Variants in KCNN2 observed in about 807,000 individuals in gnomAD.
KCNN2 encodes the protein small conductance calcium-activated potassium channel protein 2.
Under a neutral mutation model 55.5 loss-of-function variants are expected in KCNN2, and 24 were observed. The observed-to-expected ratio is 0.43, with a 90% confidence interval of 0.31 to 0.61. The LOEUF (loss-of-function observed/expected upper bound fraction) is 0.61, where lower values mean the gene tolerates loss of function less well. Among genes scored for constraint, KCNN2 ranks in the 20% least tolerant of loss-of-function variants. The probability of loss-of-function intolerance (pLI) is 0.08; values close to 1 mark genes in which losing one functional copy is unlikely to be tolerated. For synonymous variants in KCNN2, 431 were observed against 336.1 expected (o/e 1.28, Z -3.09); for missense variants, 754 against 853.6 (o/e 0.88, Z 1.45).
rs1455967105 is a variant in KCNN2 at position 114,493,436 on chromosome 5, G to C, written c.2052G>C (p.Leu684=). The change falls in exon 7 of 8, where the codon CTG becomes CTC. Residue 684 remains leucine (L), a synonymous_variant. Coordinates refer to ENST00000673685, the MANE Select transcript of KCNN2 (RefSeq NM_021614.4). ...GTGTAAAAATGGAGCAGAGGAAACT[G>C]AATGACCAAGCAAACACTTTGGTGG... is the stretch of plus-strand genomic sequence containing the variant. The part of the protein sequence containing the change: ...LRSVKMEQRK[L]NDQANTLVDL... The C allele has an allele frequency of 6.2e-7, 1 of 1,610,142 alleles. No homozygotes were observed. The highest frequency in any genetic ancestry group is 1.7e-5 in the Admixed American group (1 of 59,974).
chr5:114,296,327 C>A (rs2150020367), intron 2 of KCNN2, among the ~76,000 whole-genome samples: 1 of 152,308 alleles, frequency 6.6e-6, no homozygotes, highest in South Asian at 2.1e-4. Flanking sequence ...AATGTGAGTT[C>A]ATCCTCATGT....
chr5:114,299,657 C>T (rs1305121177), intron 2 of KCNN2, among the ~76,000 whole-genome samples: 4 of 152,198 alleles, frequency 2.6e-5, no homozygotes, highest in Non-Finnish European at 5.9e-5. Flanking sequence ...CTAGTCCCAT[C>T]TCTGGGCACT....
chr5:114,354,522 T>C (rs1183576439), intron 2 of KCNN2, among the ~76,000 whole-genome samples: 1 of 152,070 alleles, frequency 6.6e-6, no homozygotes, highest in Non-Finnish European at 1.5e-5. Flanking sequence ...AGCCAATACA[T>C]ATGAAGGAGG....
At chr5:114,209,062 CTT>C (rs34525244) in intron 1 of KCNN2, among the ~76,000 whole-genome samples, 1 of 146,848 alleles carries the variant, frequency 6.8e-6, no homozygotes. Context: ...TGACTTCTGC[CTT>C]TTTTTTTTTT....
intron 1 of KCNN2, among the ~76,000 whole-genome samples, chr5:114,169,567 C>G (rs1752988160): frequency 1.3e-5 from 2 of 152,032 alleles, no homozygotes; most frequent in Admixed American, 1.3e-4. Context: ...GTTTAGATAC[C>G]AGACAGGAAG....
intron 1 of KCNN2, among the ~76,000 whole-genome samples, chr5:114,131,040 G>C (rs1021734187): frequency 6.6e-6 from 1 of 152,138 alleles, no homozygotes; most frequent in East Asian, 1.9e-4. Context: ...AACCTTTATG[G>C]TTATCCTGAC....
chr5:114,319,336 G>A (rs918652765), intron 2 of KCNN2, among the ~76,000 whole-genome samples: 3 of 152,168 alleles, frequency 2.0e-5, no homozygotes, highest in Non-Finnish European at 4.4e-5. Flanking sequence ...AGAGCCCTAT[G>A]AAGACAGAGA....
chr5:114,331,222 T>A (rs909242429), intron 2 of KCNN2, among the ~76,000 whole-genome samples: 5 of 151,950 alleles, frequency 3.3e-5, no homozygotes, highest in Non-Finnish European at 7.4e-5. Flanking sequence ...GAAAAATGAA[T>A]GAAAGGGAAG....
chr5:114,349,920 TC>T (rs545530532), intron 2 of KCNN2, among the ~76,000 whole-genome samples: 18 of 152,000 alleles, frequency 1.2e-4, no homozygotes, highest in Non-Finnish European at 2.7e-4. Flanking sequence ...CTTGCTATTA[TC>T]TGTCTTTTTA....
At chr5:114,159,397 C>T (rs182948035) in intron 1 of KCNN2, among the ~76,000 whole-genome samples, 18 of 152,188 alleles carry the variant, frequency 1.2e-4, no homozygotes, top group Admixed American at 4.6e-4. Flanking sequence ...TTGCTGGATT[C>T]GGTTTGGCAG....
At chr5:114,169,257 G>A (rs1339611839) in intron 1 of KCNN2, among the ~76,000 whole-genome samples, 2 of 152,040 alleles carry the variant, frequency 1.3e-5, no homozygotes, top group Non-Finnish European at 2.9e-5. Flanking sequence ...AAGATACAAG[G>A]AACAATGTCA....
chr5:114,466,438 T>C (rs1761455701), intron 4 of KCNN2, among the ~76,000 whole-genome samples: 1 of 151,254 alleles, frequency 6.6e-6, no homozygotes, highest in Non-Finnish European at 1.5e-5. Context: ...GTAATTGTTT[T>C]ACTTAGCATT....
chr5:114,247,875 T>C (rs532172916), intron 2 of KCNN2, among the ~76,000 whole-genome samples: 11 of 152,236 alleles, frequency 7.2e-5, no homozygotes, highest in Admixed American at 2.0e-4. Context: ...TAATATTATT[T>C]CTTTCAAGTT....
At chr5:114,192,924 C>G (rs1188256731) in intron 1 of KCNN2, among the ~76,000 whole-genome samples, 2 of 152,108 alleles carry the variant, frequency 1.3e-5, no homozygotes, top group Non-Finnish European at 2.9e-5. Flanking sequence ...CTCTTCACAT[C>G]TCTTTTTATT....
intron 2 of KCNN2, among the ~76,000 whole-genome samples, chr5:114,338,336 T>G (rs911443826): frequency 6.6e-6 from 1 of 152,196 alleles, no homozygotes; most frequent in Non-Finnish European, 1.5e-5. Context: ...TGTACACGTA[T>G]GTAGGGACAA....
chr5:114,332,238 A>T (rs1397779238), intron 2 of KCNN2, among the ~76,000 whole-genome samples: 1 of 152,180 alleles, frequency 6.6e-6, no homozygotes, highest in African/African-American at 2.4e-5. Flanking sequence ...ACAGACTGAT[A>T]ATTAATTAGT....
rs549698118 is a variant in KCNN2, at chr5:114,069,062, G to C, written c.-271+12562G>C. On this transcript the variant is annotated intron_variant, in intron 1 of 10. Transcript: ENST00000512097. ...ACTCCTGACCCCAAGTGATCTGCCAGCCTCGGCCTCCCAATGTGCTGGGAT... is the reference window on the plus strand; with the variant it reads ...ACTCCTGACCCCAAGTGATCTGCCACCCTCGGCCTCCCAATGTGCTGGGAT... Among the ~76,000 whole-genome samples, 14 of 152,268 alleles carry C rather than the reference G, an allele frequency of 9.2e-5. No individual in the cohort carries two copies. In the East Asian group the frequency reaches 2.7e-3, roughly 29 times the overall value.
At chr5:114,425,997 T>C (rs1580819909) in intron 3 of KCNN2, among the ~76,000 whole-genome samples, 1 of 150,644 alleles carries the variant, frequency 6.6e-6, no homozygotes, top group African/African-American at 2.5e-5. Context: ...CTGGGCAACA[T>C]TACAAAACCC....
chr5:114,345,202 G>T (rs1303099400), intron 2 of KCNN2, among the ~76,000 whole-genome samples: 1 of 151,850 alleles, frequency 6.6e-6, no homozygotes, highest in East Asian at 1.9e-4. Flanking sequence ...CTTGTTAAGT[G>T]AAAAAAGTAA....
Sources: allele counts gnomAD v4.1 joint callset (sites outside exome capture counted in the v4.1 genomes callset), GRCh38; gene constraint gnomAD v4.1.1; transcripts MANE v1.5; gene names NCBI Gene and HGNC (gene_info 2026-07-23, HGNC 2026-07-21).